CTNND2: variants seen among roughly 807,000 people sequenced by gnomAD.
CTNND2 encodes catenin delta-2.
Under a neutral mutation model 144.4 loss-of-function variants are expected in CTNND2, and 22 were observed. That is an observed-to-expected ratio of 0.15 (90% CI 0.11 to 0.22). The LOEUF is 0.22. Among genes scored for constraint, CTNND2 ranks in the 10% least tolerant of loss-of-function variants. The pLI is 1.00. For missense variants in CTNND2, 1,353 were observed against 1,618.8 expected (o/e 0.84, Z 2.82); for synonymous variants, 751 against 695.6 (o/e 1.08, Z -1.25).
Position 11,411,516 on chromosome 5 carries a change from A to AT in CTNND2, c.439+19dup. 8.0e-7 allele frequency: 1 copy of AT among 1,252,338 alleles called. No individual in the cohort carries two copies. The highest frequency in any genetic ancestry group is 1.7e-5 in the Admixed American group (1 of 57,256). 77.6% of individuals were successfully genotyped at this position (1,252,338 alleles called of 1,614,324 possible). On this transcript the variant is annotated intron_variant, in intron 5 of 21. Coordinates refer to ENST00000304623, the MANE Select transcript of CTNND2 (RefSeq NM_001332.4). ...TCCTATATTTCAACTATCTTCAAGC[A>AT]TAACTGCCACGTGACTTACTTTCAC...
chr5:11,892,566 T>C (rs757566798), intron 1 of CTNND2, among the ~76,000 whole-genome samples: 7 of 151,868 alleles, frequency 4.6e-5, no homozygotes, highest in Non-Finnish European at 1.0e-4. Flanking sequence ...CAATTTGCTC[T>C]AAAGAATAAA....
chr5:11,279,196 G>A (rs532008019), intron 9 of CTNND2, among the ~76,000 whole-genome samples: 171 of 152,188 alleles, frequency 1.1e-3, no homozygotes, highest in African/African-American at 3.8e-3. Context: ...ATCCAGAACC[G>A]TCCCTGTCTT....
intron 9 of CTNND2, among the ~76,000 whole-genome samples, chr5:11,240,365 A>C: frequency 7.7e-6 from 1 of 129,596 alleles, no homozygotes; most frequent in Non-Finnish European, 1.6e-5. Flanking sequence ...ACATTCACAC[A>C]CACCCAACAC....
intron 11 of CTNND2, among the ~76,000 whole-genome samples, chr5:11,163,402 C>T (rs1380501048): frequency 6.6e-6 from 1 of 152,226 alleles, no homozygotes; most frequent in Non-Finnish European, 1.5e-5. Context: ...AGCCTCATGA[C>T]AGACCCTGAG....
chr5:11,143,010 G>A (rs1489714492), intron 12 of CTNND2, among the ~76,000 whole-genome samples: 1 of 152,174 alleles, frequency 6.6e-6, no homozygotes, highest in African/African-American at 2.4e-5. Context: ...AGTGTGTGAT[G>A]CATGCAGGAG....
intron 11 of CTNND2, among the ~76,000 whole-genome samples, chr5:11,185,064 A>C (rs527379588): frequency 6.6e-6 from 1 of 152,290 alleles, no homozygotes; most frequent in South Asian, 2.1e-4. Context: ...CTTATTAAAG[A>C]AGCATGCAAA....
intron 3 of CTNND2, among the ~76,000 whole-genome samples, chr5:11,539,335 A>T (rs1207423488): frequency 6.6e-6 from 1 of 152,166 alleles, no homozygotes; most frequent in East Asian, 1.9e-4. Flanking sequence ...GAACTTGCCC[A>T]TCTCCAAGGC....
rs1399519933 is a variant in CTNND2, at chr5:11,384,191, C to T, written c.1177+474G>A. Among the ~76,000 whole-genome samples the T allele has an allele frequency of 3.9e-5, 6 of 152,100 alleles. No homozygotes were observed. The highest frequency in any genetic ancestry group is 8.8e-5 in the Non-Finnish European group (6 of 68,010). On this transcript the variant is annotated intron_variant, in intron 7 of 21. Transcript: ENST00000304623. This position sits in a 1 kb window ranked among gnomAD's most constrained non-coding sequence, Gnocchi z 5.2. ...AAGGCAATTCATTATTAATTATTTC[C>T]CCACTACTATTGAAAACTATGTAAG...
chr5:11,528,931 G>A (rs2150051732), intron 3 of CTNND2, among the ~76,000 whole-genome samples: 1 of 152,336 alleles, frequency 6.6e-6, no homozygotes, highest in East Asian at 1.9e-4. Context: ...CATGTTGTCG[G>A]CTTCAAGAGA....
chr5:10,973,861 C>G lies in CTNND2; in HGVS notation c.3418-148G>C, dbSNP rs1414327838. 4 of 837,294 alleles carry G rather than the reference C, an allele frequency of 4.8e-6. No homozygotes were observed. Among genetic ancestry groups the G allele is most frequent in the Non-Finnish European group, 5.2e-6 (3 of 572,192 alleles). The allele number at this position is 837,294 out of a possible 1,614,324, so 51.9% of individuals were successfully genotyped here. On this transcript the variant is annotated intron_variant, in intron 21 of 21. Coordinates refer to ENST00000304623, the MANE Select transcript of CTNND2 (RefSeq NM_001332.4). The surrounding 1 kb of genome is among the most constrained non-coding windows in gnomAD (Gnocchi z 5.6). ...GGCCCTGCTTCTCCAAAACTGCCAA[C>G]TGTCATTGGCTTTCCTTTTGAAAAT...
intron 12 of CTNND2, among the ~76,000 whole-genome samples, chr5:11,138,105 G>A (rs1383971243): frequency 1.3e-5 from 2 of 152,154 alleles, no homozygotes; most frequent in African/African-American, 4.8e-5. Flanking sequence ...TTCCTGACTG[G>A]TTGTCAGCTG....
Position 11,345,994 on chromosome 5 carries a change from T to C in CTNND2, c.1628+378A>G, listed in dbSNP as rs61750707. Reference sequence around the variant, plus strand: ...CCCTTTGCAATCTGATAAATAGAAATACGCATGATGACAAAGCATACTTCC... The same window carrying C: ...CCCTTTGCAATCTGATAAATAGAAACACGCATGATGACAAAGCATACTTCC... On this transcript the variant is annotated intron_variant, in intron 9 of 21. Transcript: ENST00000304623. Among the ~76,000 whole-genome samples the C allele has an allele frequency of 2.1e-3, 327 of 152,258 alleles. 1 individual carries two copies. The highest frequency in any genetic ancestry group is 7.6e-3 in the African/African-American group (315 of 41,536).
intron 16 of CTNND2, among the ~76,000 whole-genome samples, chr5:11,061,064 C>G (rs1746917887): frequency 6.6e-6 from 1 of 152,116 alleles, no homozygotes; most frequent in Admixed American, 6.5e-5. Context: ...CCTTTCATGT[C>G]TCACAGATAT....
At chr5:11,767,070 C>T (rs898027030) in intron 1 of CTNND2, among the ~76,000 whole-genome samples, 2 of 152,112 alleles carry the variant, frequency 1.3e-5, no homozygotes, top group African/African-American at 4.8e-5. Context: ...GTAGTTAGTA[C>T]ACCAGCAGCA....
intron 12 of CTNND2, among the ~76,000 whole-genome samples, chr5:11,149,046 T>G (rs1400707948): frequency 6.6e-6 from 1 of 152,232 alleles, no homozygotes; most frequent in Admixed American, 6.5e-5. Context: ...TCAGCGCTGC[T>G]TCCGTGCACA....
At chr5:11,408,691 A>C (rs765441308) in intron 5 of CTNND2, among the ~76,000 whole-genome samples, 3 of 152,128 alleles carry the variant, frequency 2.0e-5, no homozygotes, top group Non-Finnish European at 4.4e-5. Flanking sequence ...TATATGTGGA[A>C]AGACCATACT....
chr5:11,832,446 A>G (rs1172068675), intron 1 of CTNND2, among the ~76,000 whole-genome samples: 1 of 152,306 alleles, frequency 6.6e-6, no homozygotes, highest in East Asian at 1.9e-4. Flanking sequence ...TAAACAAATA[A>G]AAACCCTTAC....
At chr5:11,396,161 G>A (rs762621502) in intron 6 of CTNND2, among the ~76,000 whole-genome samples, 2 of 152,166 alleles carry the variant, frequency 1.3e-5, no homozygotes, top group East Asian at 1.9e-4. Flanking sequence ...AACGTGGTGT[G>A]GGGCTTGCAG....
rs1183664079 is a variant in CTNND2 at position 11,475,319 on chromosome 5, G to A, written c.288-63250C>T. Among the ~76,000 whole-genome samples the A allele has an allele frequency of 2.0e-5, 3 of 152,334 alleles. 1 individual carries two copies. Among genetic ancestry groups the A allele is most frequent in the Middle Eastern group, 6.8e-3 (2 of 294 alleles). On this transcript the variant is annotated intron_variant, in intron 3 of 21. Coordinates refer to ENST00000304623, the MANE Select transcript of CTNND2 (RefSeq NM_001332.4). ...TAATTCAGGATTTTGGATACTCAAG[G>A]AGCAGTAAGTAATTAATTTTTTCTC... is the stretch of plus-strand genomic sequence containing the variant.
Sources: allele counts gnomAD v4.1 joint callset (sites outside exome capture counted in the v4.1 genomes callset), GRCh38; gene constraint gnomAD v4.1.1; non-coding constraint Gnocchi (gnomAD v3.1); transcripts MANE v1.5; gene names NCBI Gene and HGNC (gene_info 2026-07-23, HGNC 2026-07-21).